CIT: variants seen among roughly 807,000 people sequenced by gnomAD.
The protein encoded by CIT is citron Rho-interacting kinase.
In CIT, 79 loss-of-function variants were observed where a neutral mutation model predicts 272.7. That is an observed-to-expected ratio of 0.29 (90% CI 0.24 to 0.35). CIT has a LOEUF of 0.35. CIT is among the 10% of genes least tolerant of loss of function. The probability of loss-of-function intolerance (pLI) is 1.00; values close to 1 mark genes in which losing one functional copy is unlikely to be tolerated. For synonymous variants in CIT, 948 were observed against 995.6 expected, an observed-to-expected ratio of 0.95 and a Z score of 0.90; for missense variants, 1,909 against 2,618.3, an observed-to-expected ratio of 0.73 and a Z score of 5.91.
At position 119,708,550 on chromosome 12, in the gene CIT, A is replaced by G. The variant is rs56261893; in HGVS notation, c.5072-232T>C. Among the ~76,000 whole-genome samples the G allele has an allele frequency of 6.8e-4, 104 of 152,138 alleles. 1 individual carries two copies. Among genetic ancestry groups the G allele is most frequent in the Admixed American group, 4.1e-3 (62 of 15,272 alleles). ...GCCCACACTGGAGTGCAATGGTACA[A>G]TCTCGGCTCACTAAAACCTCTGCCT... On this transcript the variant is annotated intron_variant, in intron 39 of 47. Transcript: ENST00000392521.
intron 2 of CIT, among the ~76,000 whole-genome samples, chr12:119,874,956 A>G (rs1231372325): frequency 6.6e-6 from 1 of 152,128 alleles, no homozygotes; most frequent in African/African-American, 2.4e-5. Context: ...ATACCCACAG[A>G]AATTGTAGTT....
chr12:119,854,515 C>T (rs1392819727), intron 4 of CIT, among the ~76,000 whole-genome samples: 3 of 151,850 alleles, frequency 2.0e-5, no homozygotes, highest in East Asian at 2.0e-4. Flanking sequence ...TGGTGGCACC[C>T]GCCTGTAGTC....
chr12:119,702,086 G>A (rs1036173823), intron 41 of CIT, 128 bp from the exon 42 acceptor site: 113 of 687,826 alleles, frequency 1.6e-4, no homozygotes, highest in Middle Eastern at 4.0e-4. Flanking sequence ...GCTTGTTCAC[G>A]TTGTCATAGA....
chr12:119,838,343 G>T (rs2138159737), intron 5 of CIT, among the ~76,000 whole-genome samples: 1 of 152,274 alleles, frequency 6.6e-6, no homozygotes, highest in East Asian at 1.9e-4. Context: ...AATGTGCTGG[G>T]ATTACAGGTG....
intron 10 of CIT, among the ~76,000 whole-genome samples, chr12:119,793,443 A>G (rs1965484625): frequency 6.6e-6 from 1 of 152,074 alleles, no homozygotes; most frequent in Non-Finnish European, 1.5e-5. Flanking sequence ...CCTCCACACA[A>G]TGGTCAGAGG....
intron 19 of CIT, among the ~76,000 whole-genome samples, chr12:119,766,357 A>G (rs1350246761): frequency 1.3e-5 from 2 of 152,240 alleles, no homozygotes; most frequent in Non-Finnish European, 2.9e-5. Context: ...AGATCATCAT[A>G]TTAACTGAAA....
intron 8 of CIT, among the ~76,000 whole-genome samples, chr12:119,823,259 GTCCAACAATGATGAGCTATTTAAAGA>G (rs1303168721): frequency 6.6e-6 from 1 of 152,040 alleles, no homozygotes; most frequent in African/African-American, 2.4e-5. Flanking sequence ...TCCCTTTGCT[GTCCAACAATGATGAGCTATTTAAAGA>G]TCCCTGAACA....
At chr12:119,803,092 A>C in intron 10 of CIT, 114 bp downstream of exon 10, 1 of 715,644 alleles carries the variant, frequency 1.4e-6, no homozygotes, top group East Asian at 3.4e-5. Flanking sequence ...GGTGACTAGC[A>C]GCTTCCCTCC....
chr12:119,713,741 C>G lies in CIT; in HGVS notation c.4307-93G>C, dbSNP rs930693716. 1 of 1,337,850 alleles carries G rather than the reference C, an allele frequency of 7.5e-7. No homozygotes were observed. Among genetic ancestry groups the G allele is most frequent in the Non-Finnish European group, 1.1e-6 (1 of 936,700 alleles). 82.9% of individuals were successfully genotyped at this position (1,337,850 alleles called of 1,614,324 possible). Reference sequence around the variant, plus strand: ...AGCCAACGCCTGGGCTTCTCTACCCCAGCCGGGCCCAGAGAGTCTGGCCCT... The same window carrying G: ...AGCCAACGCCTGGGCTTCTCTACCCGAGCCGGGCCCAGAGAGTCTGGCCCT... On this transcript the variant is annotated intron_variant, in intron 33 of 47. Coordinates refer to ENST00000392521, the MANE Select transcript of CIT (RefSeq NM_001206999.2). This position sits in a 1 kb window ranked among gnomAD's most constrained non-coding sequence, Gnocchi z 5.2.
At chr12:119,719,723 G>T (rs1957732026) in intron 30 of CIT, among the ~76,000 whole-genome samples, 2 of 152,146 alleles carry the variant, frequency 1.3e-5, no homozygotes, top group African/African-American at 4.8e-5. Context: ...CAAAACCACT[G>T]CCACTGCTGC....
At chr12:119,688,616 T>G (rs1334245450) in intron 47 of CIT, among the ~76,000 whole-genome samples, 2 of 152,088 alleles carry the variant, frequency 1.3e-5, no homozygotes, top group Non-Finnish European at 2.9e-5. Context: ...ACCCAGAAAA[T>G]CAGCCCCAAA....
chr12:119,701,722 G>A lies in CIT; in HGVS notation c.5444C>T (p.Ala1815Val), dbSNP rs1348155930. 6.2e-7 allele frequency: 1 copy of A among 1,614,124 alleles called. No homozygotes were observed. Among genetic ancestry groups the A allele is most frequent in the South Asian group, 1.1e-5 (1 of 91,092 alleles). ...EFLDKNDHSL[A>V]PAVFAASSNS... ...GGAAGAGGCGGCAAACACAGCAGGT[G>A]CCAAGGAATGGTCATTCTTATCCAG... is the stretch of plus-strand genomic sequence containing the variant. Residue 1815 changes from alanine (A) to valine (V), a missense_variant, in exon 43 of 48, where the codon GCA (alanine) becomes GTA (valine). Physicochemically the swap from Ala to Val is moderately conservative, Grantham distance 64. Transcript: ENST00000392521.
intron 20 of CIT, among the ~76,000 whole-genome samples, chr12:119,759,369 G>A (rs905118319): frequency 5.3e-5 from 8 of 152,224 alleles, no homozygotes; most frequent in Admixed American, 3.9e-4. Flanking sequence ...GCCGCCAGCC[G>A]GGCGCGGCGG....
rs867086650 is a variant in CIT, at chr12:119,697,570, G to A, written c.5882+89C>T. The A allele has an allele frequency of 3.0e-6, 4 of 1,331,590 alleles. No homozygotes were observed. In the African/African-American group the frequency reaches 5.9e-5, roughly 19 times the overall value. 82.5% of individuals were successfully genotyped at this position (1,331,590 alleles called of 1,614,324 possible). A position where few individuals can be genotyped will look rare whatever the true frequency, so the allele number is the denominator to read the frequency against. The stretch of plus-strand genomic sequence containing the variant: ...AGCTTAAGAACAAAGTGAAGATTGG[G>A]AAACATTCTACTGGTTTAGTATCAC... On this transcript the variant is annotated intron_variant, in intron 46 of 47. Transcript: ENST00000392521. The surrounding 1 kb of genome is among the most constrained non-coding windows in gnomAD (Gnocchi z 4.9).
chr12:119,688,057 T>G lies in CIT; in HGVS notation c.*175A>C, dbSNP rs1325119116. ...CGGGCGCTGACAGCTCCGAAGAGCCTCAGCCACCTGCCCCTCCTGGAGACA... is the reference window on the plus strand; with the variant it reads ...CGGGCGCTGACAGCTCCGAAGAGCCGCAGCCACCTGCCCCTCCTGGAGACA... On this transcript the variant is annotated 3_prime_UTR_variant, in exon 48 of 48. Transcript: ENST00000392521. 2.9e-6 allele frequency: 2 copies of G among 678,526 alleles called. No individual in the cohort carries two copies. Among genetic ancestry groups the G allele is most frequent in the Non-Finnish European group, 5.2e-6 (2 of 381,646 alleles). The allele number at this position is 678,526 out of a possible 1,614,324, so 42.0% of individuals were successfully genotyped here.
At chr12:119,737,020 T>C (rs1200299926) in intron 24 of CIT, among the ~76,000 whole-genome samples, 1 of 152,228 alleles carries the variant, frequency 6.6e-6, no homozygotes, top group Non-Finnish European at 1.5e-5. Flanking sequence ...TATTTACTCA[T>C]CTGCTTTTAC....
chr12:119,716,492 A>G (rs1035731414), intron 32 of CIT, among the ~76,000 whole-genome samples: 2 of 151,944 alleles, frequency 1.3e-5, no homozygotes, highest in Non-Finnish European at 2.9e-5. Flanking sequence ...AACAACAGCA[A>G]CAAGAAAACA....
intron 9 of CIT, among the ~76,000 whole-genome samples, chr12:119,816,175 T>C (rs563733692): frequency 1.3e-5 from 2 of 152,322 alleles, no homozygotes; most frequent in Non-Finnish European, 2.9e-5. Context: ...ATAAACATGT[T>C]AGTGAAGAAT....
At chr12:119,751,417 G>A (rs947913422) in intron 23 of CIT, among the ~76,000 whole-genome samples, 3 of 151,532 alleles carry the variant, frequency 2.0e-5, no homozygotes, top group Admixed American at 6.6e-5. Context: ...AAGAACTAAG[G>A]TTTCAATCCA....
Sources: allele counts gnomAD v4.1 joint callset (sites outside exome capture counted in the v4.1 genomes callset), GRCh38; gene constraint gnomAD v4.1.1; non-coding constraint Gnocchi (gnomAD v3.1); transcripts MANE v1.5; gene names NCBI Gene and HGNC (gene_info 2026-07-23, HGNC 2026-07-21).